Variants in EBF3 observed in about 807,000 individuals in gnomAD.
EBF3 encodes transcription factor COE3.
EBF3 carries 18 observed loss-of-function variants against 77.1 expected under a neutral mutation model. That is an observed-to-expected ratio of 0.23 (90% CI 0.16 to 0.35). The LOEUF (loss-of-function observed/expected upper bound fraction) is 0.35. EBF3 is among the 10% of genes least tolerant of loss of function. The pLI, the probability that EBF3 is intolerant of heterozygous loss-of-function variation, is 1.00. For synonymous variants in EBF3, 350 were observed against 343.5 expected (o/e 1.02, Z -0.21); for missense variants, 558 against 860.0 (o/e 0.65, Z 4.39).
chr10:129,862,492 A>G (rs1477699162), intron 10 of EBF3, among the ~76,000 whole-genome samples: 3 of 152,174 alleles, frequency 2.0e-5, no homozygotes, highest in African/African-American at 7.2e-5. Flanking sequence ...AAATCTCTAA[A>G]AGGAGGGTGG....
In EBF3 at chr10:129,842,516, C is replaced by G. The variant is rs573143104; in HGVS notation, c.1195-223G>C. The stretch of plus-strand genomic sequence containing the variant: ...CGGTGGCTCACTCCTGTAATCCCAG[C>G]ATTTTGGGAGGTCAAGGCAGGCGGA... On this transcript the variant is annotated intron_variant, in intron 12 of 16. Transcript: ENST00000440978. This position sits in a 1 kb window ranked among gnomAD's most constrained non-coding sequence, Gnocchi z 4.4. Among the ~76,000 whole-genome samples, 1 of 152,312 alleles carries G rather than the reference C, an allele frequency of 6.6e-6. No homozygotes were observed. Among genetic ancestry groups the G allele is most frequent in the East Asian group, 1.9e-4 (1 of 5,170 alleles).
intron 6 of EBF3, among the ~76,000 whole-genome samples, chr10:129,883,945 C>T (rs565388169): frequency 7.2e-5 from 11 of 152,346 alleles, no homozygotes; most frequent in Admixed American, 5.2e-4. Flanking sequence ...GAACAAAAAA[C>T]GTCCTGCCCC....
rs1248323081 is a variant in EBF3 at position 129,839,215 on chromosome 10, C to T, written c.1760-20G>A. ...GAGAGCCTGGTACATAGTAGGTGCTCAGTAAATACTGGTTGAATGGGTTCA... is the reference window on the plus strand; with the variant it reads ...GAGAGCCTGGTACATAGTAGGTGCTTAGTAAATACTGGTTGAATGGGTTCA... On this transcript the variant is annotated intron_variant, in intron 15 of 16. Coordinates refer to ENST00000440978, the MANE Select transcript of EBF3 (RefSeq NM_001375380.1). The T allele has an allele frequency of 2.7e-6, 3 of 1,122,400 alleles. No individual in the cohort carries two copies. In the East Asian group the frequency reaches 1.7e-4, roughly 65 times the overall value. The allele number at this position is 1,122,400 out of a possible 1,614,324, so 69.5% of individuals were successfully genotyped here. A position where few individuals can be genotyped will look rare whatever the true frequency, so the allele number is the denominator to read the frequency against.
At chr10:129,927,599 C>A (rs900313675) in intron 6 of EBF3, among the ~76,000 whole-genome samples, 1 of 152,174 alleles carries the variant, frequency 6.6e-6, no homozygotes, top group African/African-American at 2.4e-5. Context: ...GGCAGCCATG[C>A]CTCCTATGCT....
intron 6 of EBF3, among the ~76,000 whole-genome samples, chr10:129,908,009 G>A (rs1392395282): frequency 1.3e-5 from 2 of 152,206 alleles, no homozygotes; most frequent in African/African-American, 2.4e-5. Context: ...GGATCCATAA[G>A]ACACAGCTAC....
Position 129,863,394 on chromosome 10 carries a change from T to TC in EBF3, c.1039+3746dup, listed in dbSNP as rs1389384947. On this transcript the variant is annotated intron_variant, in intron 10 of 16. Transcript: ENST00000440978. The surrounding 1 kb of genome is among the most constrained non-coding windows in gnomAD (Gnocchi z 4.0). ...TGGATGGATGGGGCCTGGCCTGCCT[T>TC]CCCCTTCCCACTCGGGGTTGACTAA... is the stretch of plus-strand genomic sequence containing the variant. 5.9e-5 allele frequency among the ~76,000 whole-genome samples: 9 copies of TC among 152,230 alleles called. No homozygotes were observed. Among genetic ancestry groups the TC allele is most frequent in the African/African-American group, 2.2e-4 (9 of 41,462 alleles).
intron 16 of EBF3, among the ~76,000 whole-genome samples, chr10:129,838,579 G>A (rs1218077465): frequency 6.6e-6 from 1 of 152,194 alleles, no homozygotes; most frequent in Non-Finnish European, 1.5e-5. Context: ...GTGAGTCATG[G>A]CACCGCCTCG....
At chr10:129,961,829 A>G (rs1390028052) in intron 4 of EBF3, among the ~76,000 whole-genome samples, 1 of 152,208 alleles carries the variant, frequency 6.6e-6, no homozygotes, top group Non-Finnish European at 1.5e-5. Flanking sequence ...AAAAATCCAA[A>G]TGAACTGATT....
intron 6 of EBF3, among the ~76,000 whole-genome samples, chr10:129,948,265 A>G: frequency 1.4e-5 from 2 of 142,658 alleles, no homozygotes; most frequent in Admixed American, 6.8e-5. Context: ...GTCTCAAAAA[A>G]AAAAAAAAAA....
intron 6 of EBF3, among the ~76,000 whole-genome samples, chr10:129,911,847 G>A (rs959124662): frequency 6.6e-6 from 1 of 152,202 alleles, no homozygotes; most frequent in Non-Finnish European, 1.5e-5. Context: ...AGGCCGGTTC[G>A]GCAGCCGAAG....
Position 129,861,953 on chromosome 10 carries a change from C to T in EBF3, c.1039+5188G>A, listed in dbSNP as rs1002425154. ...GGCACAGTCGACTCCGCAGTGCTGA[C>T]GGGACCGCCTCTCAATGCACACAAA... On this transcript the variant is annotated intron_variant, in intron 10 of 16. Coordinates refer to ENST00000440978, the MANE Select transcript of EBF3 (RefSeq NM_001375380.1). This position sits in a 1 kb window ranked among gnomAD's most constrained non-coding sequence, Gnocchi z 4.3. Among the ~76,000 whole-genome samples the T allele has an allele frequency of 2.0e-5, 3 of 152,142 alleles. No homozygotes were observed. The highest frequency in any genetic ancestry group is 4.8e-5 in the African/African-American group (2 of 41,430).
chr10:129,927,387 A>G (rs1248826832), intron 6 of EBF3, among the ~76,000 whole-genome samples: 1 of 152,242 alleles, frequency 6.6e-6, no homozygotes, highest in Non-Finnish European at 1.5e-5. Flanking sequence ...AACAAGATCT[A>G]TATACCATCT....
chr10:129,936,260 G>T (rs1857349596), intron 6 of EBF3, among the ~76,000 whole-genome samples: 3 of 152,152 alleles, frequency 2.0e-5, no homozygotes, highest in Admixed American at 2.0e-4. Context: ...AGGTCCCCTG[G>T]CTTCTACCAG....
chr10:129,864,282 T>C lies in EBF3; in HGVS notation c.1039+2859A>G, dbSNP rs951200960. ...AAGCAGGGCCCGGCCATGCTGGGAA[T>C]TGGGGGGACGCTGACATCACAGGCT... On this transcript the variant is annotated intron_variant, in intron 10 of 16. Transcript: ENST00000440978. This position sits in a 1 kb window ranked among gnomAD's most constrained non-coding sequence, Gnocchi z 4.4. 2.6e-5 allele frequency among the ~76,000 whole-genome samples: 4 copies of C among 152,238 alleles called. No individual in the cohort carries two copies. The highest frequency in any genetic ancestry group is 1.9e-4 in the East Asian group (1 of 5,168).
At chr10:129,957,153 G>T in intron 6 of EBF3, 105 bp downstream of exon 6, 1 of 1,010,280 alleles carries the variant, frequency 9.9e-7, no homozygotes, top group Non-Finnish European at 1.5e-6. Context: ...CACAAGATGG[G>T]CTCGACACCA....
At chr10:129,903,841 G>T (rs190629081) in intron 6 of EBF3, among the ~76,000 whole-genome samples, 1 of 152,244 alleles carries the variant, frequency 6.6e-6, no homozygotes, top group East Asian at 1.9e-4. Flanking sequence ...TTTTACTGCC[G>T]GGAGAGGAGT....
intron 4 of EBF3, among the ~76,000 whole-genome samples, chr10:129,961,201 ACCG>A (rs1859491933): frequency 6.6e-6 from 1 of 152,232 alleles, no homozygotes; most frequent in Non-Finnish European, 1.5e-5. Context: ...TAGCATCAAA[ACCG>A]AAGAAGCCAC....
chr10:129,882,665 C>T (rs1417764894), intron 6 of EBF3, among the ~76,000 whole-genome samples: 6 of 152,174 alleles, frequency 3.9e-5, no homozygotes, highest in African/African-American at 9.7e-5. Flanking sequence ...TGGCCAAGGC[C>T]GTTATCAATT....
rs767074940 is a variant in EBF3, at chr10:129,840,306, C to T, written c.1698G>A (p.Val566=). The stretch of plus-strand genomic sequence containing the variant: ...GAGGAGGAGAGGCTTGGGGCCGGAC[C>T]ACGGGCGCGAAGGCGCTCTTCTGTT... ...AVKQKSAFAP[V]VRPQASPPPS... Residue 566 remains valine (V), a synonymous_variant, in exon 15 of 17, where the codon GTG becomes GTA. Coordinates refer to ENST00000440978, the MANE Select transcript of EBF3 (RefSeq NM_001375380.1). 3 of 1,592,908 alleles carry T rather than the reference C, an allele frequency of 1.9e-6. No individual in the cohort carries two copies. The highest frequency in any genetic ancestry group is 2.6e-6 in the Non-Finnish European group (3 of 1,169,914).
Sources: gnomAD v4.1 joint callset for allele counts (sites outside exome capture counted in the v4.1 genomes callset) on GRCh38, gnomAD v4.1.1 for gene constraint, Gnocchi (gnomAD v3.1) non-coding constraint, MANE v1.5 for transcripts, NCBI Gene and HGNC (gene_info 2026-07-23, HGNC 2026-07-21) for gene names.